NIPSNAP3B: variants seen among roughly 807,000 people sequenced by gnomAD.
The protein encoded by NIPSNAP3B is nipsnap homolog 3B.
Under a neutral mutation model 31.5 loss-of-function variants are expected in NIPSNAP3B, and 30 were observed. The ratio of observed to expected loss-of-function variants is 0.95; its 90% CI spans 0.71 to 1.29. The LOEUF is 1.29. NIPSNAP3B is among the 50% of genes most tolerant of loss of function. The pLI, the probability that NIPSNAP3B is intolerant of heterozygous loss-of-function variation, is 0.00. For synonymous variants in NIPSNAP3B, 106 were observed against 107.9 expected (o/e 0.98, Z 0.11); for missense variants, 269 against 300.7 (o/e 0.89, Z 0.78).
chr9:104,766,075 C>A (rs1828084220), intron 1 of NIPSNAP3B, among the ~76,000 whole-genome samples: 1 of 152,180 alleles, frequency 6.6e-6, no homozygotes, highest in African/African-American at 2.4e-5. Flanking sequence ...TTCTTGTGAG[C>A]AAATTCTCGT....
At chr9:104,778,064 A>T (rs1181338640), downstream of NIPSNAP3B, among the ~76,000 whole-genome samples, 1 of 152,164 alleles carries the variant, frequency 6.6e-6, no homozygotes, top group Non-Finnish European at 1.5e-5. Context: ...ATATGGCATT[A>T]TACTCTTCAG....
chr9:104,786,691 G>C, the NIPSNAP3B span, among the ~76,000 whole-genome samples: 1 of 152,234 alleles, frequency 6.6e-6, no homozygotes, highest in African/African-American at 2.4e-5. Context: ...AATATATTAA[G>C]TGAAAAAGAG....
intron 2 of NIPSNAP3B, among the ~76,000 whole-genome samples, chr9:104,767,165 A>G (rs2118785633): frequency 6.6e-6 from 1 of 152,232 alleles, no homozygotes; most frequent in Admixed American, 6.5e-5. Flanking sequence ...GAGGTTTTTA[A>G]AGGATGATAG....
downstream of NIPSNAP3B, among the ~76,000 whole-genome samples, chr9:104,777,802 A>T (rs1466744695): frequency 1.5e-5 from 2 of 133,994 alleles, no homozygotes; most frequent in Non-Finnish European, 3.3e-5. Context: ...CAAAGCAAAA[A>T]TATAGATTTG....
Position 104,764,301 on chromosome 9 carries a change from G to C in NIPSNAP3B, c.60+1G>C. ...TGCCTCACGGACGCTCGCGCCTCAG[G>C]TACTGGCCGCGGGGGCGCGCCCGAG... On this transcript the variant is annotated splice_donor_variant, in intron 1 of 5. Transcript: ENST00000374762. LOFTEE classifies it high-confidence loss of function. 1 of 1,582,070 alleles carries C rather than the reference G, an allele frequency of 6.3e-7. No homozygotes were observed. Among genetic ancestry groups the C allele is most frequent in the Non-Finnish European group, 8.6e-7 (1 of 1,166,534 alleles).
chr9:104,773,920 G>A lies in NIPSNAP3B; in HGVS notation c.*847G>A, dbSNP rs1426837598. On this transcript the variant is annotated 3_prime_UTR_variant, in exon 6 of 6. Transcript: ENST00000374762. ...TATGTTGCTATAAGACAGTAATATAGTGATAATTTACCAACTTTATTGAAA... is the reference window on the plus strand; with the variant it reads ...TATGTTGCTATAAGACAGTAATATAATGATAATTTACCAACTTTATTGAAA... 6.6e-6 allele frequency: 1 copy of A among 152,102 alleles called. No individual in the cohort carries two copies. Among genetic ancestry groups the A allele is most frequent in the Admixed American group, 6.5e-5 (1 of 15,268 alleles). The allele number at this position is 152,102 out of a possible 1,614,324, so 9.4% of individuals were successfully genotyped here. A position where few individuals can be genotyped will look rare whatever the true frequency, so the allele number is the denominator to read the frequency against.
chr9:104,784,212 T>C, the NIPSNAP3B span: 1 of 1,469,430 alleles, frequency 6.8e-7, no homozygotes, highest in East Asian at 2.3e-5. Flanking sequence ...AGTTTACTTC[T>C]TCCCACATCA....
At chr9:104,781,909 T>C (rs1158068535), downstream of NIPSNAP3B, 1 of 152,194 alleles carries the variant, frequency 6.6e-6, no homozygotes, top group Non-Finnish European at 1.5e-5. Context: ...TGTAAAAAAT[T>C]ACTATTTTAA....
chr9:104,789,409 C>A, the NIPSNAP3B span, among the ~76,000 whole-genome samples: 1 of 152,210 alleles, frequency 6.6e-6, no homozygotes, highest in Non-Finnish European at 1.5e-5. Flanking sequence ...AATGTCTGTT[C>A]TCTTAGGATT....
intron 4 of NIPSNAP3B, among the ~76,000 whole-genome samples, chr9:104,771,886 ATC>A (rs1442672359): frequency 6.6e-6 from 1 of 152,142 alleles, no homozygotes; most frequent in Non-Finnish European, 1.5e-5. Context: ...CCTCACCAGC[ATC>A]TGTTATTTTT....
rs1005505237 is a variant in NIPSNAP3B, at chr9:104,774,709, C to A, written c.*1636C>A. The stretch of plus-strand genomic sequence containing the variant: ...GGTTTAAATCATATACCTTATTCTT[C>A]ATACTTAGCTCCAAGTAGATTATGA... On this transcript the variant is annotated 3_prime_UTR_variant, in exon 6 of 6. Coordinates refer to ENST00000374762, the MANE Select transcript of NIPSNAP3B (RefSeq NM_018376.4). Among the ~76,000 whole-genome samples the A allele has an allele frequency of 1.3e-5, 2 of 152,142 alleles. No homozygotes were observed. The highest frequency in any genetic ancestry group is 4.8e-5 in the African/African-American group (2 of 41,420).
At chr9:104,766,734 T>C (rs545736566) in intron 2 of NIPSNAP3B, among the ~76,000 whole-genome samples, 199 bp downstream of exon 2, 5 of 152,286 alleles carry the variant, frequency 3.3e-5, no homozygotes, top group African/African-American at 1.2e-4. Context: ...TGAACTCTTA[T>C]GTTATCATAA....
chr9:104,769,325 AT>A (rs1357667175), intron 3 of NIPSNAP3B, among the ~76,000 whole-genome samples: 5 of 151,894 alleles, frequency 3.3e-5, no homozygotes, highest in African/African-American at 1.2e-4. Context: ...GTGGTGGTGC[AT>A]GCCTGTAGTC....
chr9:104,770,757 T>G (rs1489473050), intron 3 of NIPSNAP3B, 92 bp from the exon 4 acceptor site: 2 of 1,096,278 alleles, frequency 1.8e-6, no homozygotes, highest in Non-Finnish European at 2.7e-6. Flanking sequence ...TCCTCTAACT[T>G]CATTGGTTAG....
At chr9:104,771,711 T>C (rs1050979536) in intron 4 of NIPSNAP3B, among the ~76,000 whole-genome samples, 1 of 152,192 alleles carries the variant, frequency 6.6e-6, no homozygotes, top group Non-Finnish European at 1.5e-5. Flanking sequence ...GTCTTTATGG[T>C]AAAATGATTT....
the NIPSNAP3B span, among the ~76,000 whole-genome samples, chr9:104,785,233 TTTCAGG>T: frequency 1.3e-5 from 2 of 152,168 alleles, no homozygotes; most frequent in Admixed American, 6.6e-5. Context: ...TCATCTCCCT[TTTCAGG>T]TTCAGAGAGG....
At chr9:104,784,106 T>C in the NIPSNAP3B span, 8 of 601,330 alleles carry the variant, frequency 1.3e-5, 1 homozygote, top group African/African-American at 5.6e-5. Context: ...TTGAGAGCCA[T>C]ACAAGACATA....
downstream of NIPSNAP3B, chr9:104,781,128 T>C (rs778273493): frequency 9.8e-5 from 15 of 152,666 alleles, no homozygotes; most frequent in Non-Finnish European, 1.6e-4. Context: ...TTTTTCCTTT[T>C]AATGAAAATG....
At chr9:104,765,823 A>AT (rs1268381711) in intron 1 of NIPSNAP3B, among the ~76,000 whole-genome samples, 10 of 152,216 alleles carry the variant, frequency 6.6e-5, no homozygotes, top group Non-Finnish European at 1.3e-4. Flanking sequence ...TTTGACCTGA[A>AT]TAGCCCTTCC....
Sources: allele counts gnomAD v4.1 joint callset (sites outside exome capture counted in the v4.1 genomes callset), GRCh38; gene constraint gnomAD v4.1.1; transcripts MANE v1.5; gene names NCBI Gene and HGNC (gene_info 2026-07-23, HGNC 2026-07-21).